FBXO42: variants seen among roughly 807,000 people sequenced by gnomAD.
FBXO42 encodes the protein F-box only protein 42.
FBXO42 carries 12 observed loss-of-function variants against 71.7 expected under a neutral mutation model. The observed-to-expected ratio is 0.17, with a 90% confidence interval of 0.11 to 0.27. The LOEUF is 0.27. Ranked by LOEUF, FBXO42 falls within the 10% of genes least tolerant of loss-of-function variation. The pLI is 1.00. For missense variants in FBXO42, 707 were observed against 911.9 expected (o/e 0.78, Z 2.89); for synonymous variants, 325 against 327.5 (o/e 0.99, Z 0.08).
chr1:16,287,066 A>C (rs951538874), intron 4 of FBXO42, among the ~76,000 whole-genome samples: 3 of 152,192 alleles, frequency 2.0e-5, no homozygotes, highest in Admixed American at 6.5e-5. Context: ...AGTGAATATG[A>C]CAATGTCCTT....
intron 2 of FBXO42, among the ~76,000 whole-genome samples, chr1:16,307,862 C>A (rs2082268391): frequency 1.3e-5 from 2 of 152,082 alleles, no homozygotes; most frequent in East Asian, 3.8e-4. Context: ...CAGTTCTTCC[C>A]AACTTGATCA....
chr1:16,347,902 T>C (rs911266981), intron 1 of FBXO42, among the ~76,000 whole-genome samples: 4 of 147,862 alleles, frequency 2.7e-5, no homozygotes, highest in Admixed American at 1.4e-4. Flanking sequence ...GGCAGGAGAA[T>C]GGCGTGAACC....
intron 4 of FBXO42, among the ~76,000 whole-genome samples, chr1:16,265,260 T>C (rs1360385613): frequency 2.6e-5 from 4 of 152,032 alleles, no homozygotes; most frequent in Non-Finnish European, 5.9e-5. Flanking sequence ...AGTGGCTAAT[T>C]TTGTATTTTT....
At chr1:16,260,874 C>CT in intron 4 of FBXO42, among the ~76,000 whole-genome samples, 1 of 151,704 alleles carries the variant, frequency 6.6e-6, no homozygotes, top group Non-Finnish European at 1.5e-5. Context: ...TAATTTTTTT[C>CT]TTTTTTTGGG....
chr1:16,297,706 CA>C (rs56659512), intron 3 of FBXO42, among the ~76,000 whole-genome samples: 63 of 141,508 alleles, frequency 4.5e-4, no homozygotes, highest in Admixed American at 5.0e-4. Context: ...ACTAAACATA[CA>C]AAAAAAAAAA....
chr1:16,308,494 CT>C (rs71003268), intron 2 of FBXO42, among the ~76,000 whole-genome samples: 1,656 of 126,706 alleles, frequency 0.013, 10 homozygotes, highest in Middle Eastern at 0.062. Flanking sequence ...ACCCATCTCT[CT>C]TTTTTTTTTT....
At position 16,250,698 on chromosome 1, in the gene FBXO42, G is replaced by A; in HGVS notation, c.2126C>T (p.Ala709Val). The change falls in exon 10 of 10, where the codon GCC (alanine) becomes GTC (valine). Residue 709 changes from alanine (A) to valine (V), a missense_variant. Around this residue, in one of 5 missense-constraint regions of FBXO42, gnomAD observed 18 missense variants for 22.3 expected, o/e 0.81. Transcript: ENST00000375592. This position sits in a 1 kb window ranked among gnomAD's most constrained non-coding sequence, Gnocchi z 4.7. ...QNVKYYPKTN[A>V]LYFVRAKR ...TCTCTTTGCTCGTACAAAGTACAAGGCGTTTGTTTTTGGATAGTACTTCAC... is the reference window on the plus strand; with the variant it reads ...TCTCTTTGCTCGTACAAAGTACAAGACGTTTGTTTTTGGATAGTACTTCAC... 6.2e-7 allele frequency: 1 copy of A among 1,614,042 alleles called. No individual in the cohort carries two copies. The highest frequency in any genetic ancestry group is 1.1e-5 in the South Asian group (1 of 91,074).
chr1:16,342,214 T>G (rs1411007222), intron 1 of FBXO42, among the ~76,000 whole-genome samples: 1 of 150,692 alleles, frequency 6.6e-6, no homozygotes, highest in African/African-American at 2.4e-5. Flanking sequence ...TTGACCAACA[T>G]GGAGAAACCC....
At chr1:16,292,383 T>C (rs1459838658) in intron 4 of FBXO42, 2 of 152,218 alleles carry the variant, frequency 1.3e-5, no homozygotes, top group Non-Finnish European at 2.9e-5. Flanking sequence ...CTTATATCTG[T>C]GGGCTCAAGC....
intron 4 of FBXO42, among the ~76,000 whole-genome samples, chr1:16,263,807 CTTT>C (rs1193282987): frequency 1.6e-5 from 2 of 126,636 alleles, no homozygotes; most frequent in Admixed American, 8.3e-5. Context: ...CATACATTAA[CTTT>C]TTTTTTTTTT....
intron 3 of FBXO42, among the ~76,000 whole-genome samples, chr1:16,304,095 G>T (rs1209868959): frequency 1.3e-5 from 2 of 149,262 alleles, no homozygotes; most frequent in Non-Finnish European, 3.0e-5. Context: ...GTGAGCCACA[G>T]CACCCAGCCA....
chr1:16,316,638 G>A (rs1362529752), intron 1 of FBXO42, among the ~76,000 whole-genome samples: 1 of 150,352 alleles, frequency 6.7e-6, no homozygotes, highest in Non-Finnish European at 1.5e-5. Context: ...AGGAGGCTGA[G>A]GCAGGAGAAC....
chr1:16,281,081 G>T (rs987012669), intron 4 of FBXO42, among the ~76,000 whole-genome samples: 1 of 152,176 alleles, frequency 6.6e-6, no homozygotes, highest in Admixed American at 6.6e-5. Flanking sequence ...TCCTGCCTCA[G>T]CCTCCCGAGT....
At position 16,252,383 on chromosome 1, in the gene FBXO42, A is replaced by T. The variant is rs2081602222; in HGVS notation, c.943T>A (p.Leu315Met). 4.3e-6 allele frequency: 7 copies of T among 1,614,138 alleles called. No individual in the cohort carries two copies. In the East Asian group the frequency reaches 1.6e-4, roughly 36 times the overall value. Reference sequence around the variant, plus strand: ...GCCCAAGGACCAGAATGCATGTGCAACAACCAAGCATCCTTGAATAGCTGT... The same window carrying T: ...GCCCAAGGACCAGAATGCATGTGCATCAACCAAGCATCCTTGAATAGCTGT... ...PNALFKDAWL[L>M]HMHSGPWAWQ... Residue 315 changes from leucine to methionine, a missense_variant, in exon 9 of 10, where the codon TTG (leucine) becomes ATG (methionine). By Grantham distance (15) the Leu-to-Met change is conservative. Around this residue, in one of 5 missense-constraint regions of FBXO42, gnomAD observed 482 missense variants for 587.1 expected, o/e 0.82. Coordinates refer to ENST00000375592, the MANE Select transcript of FBXO42 (RefSeq NM_018994.3). This position sits in a 1 kb window ranked among gnomAD's most constrained non-coding sequence, Gnocchi z 4.4.
chr1:16,248,519 T>C lies in FBXO42; in HGVS notation c.*2151A>G, dbSNP rs2100416877. The C allele has an allele frequency of 6.6e-6, 1 of 152,242 alleles. No individual in the cohort carries two copies. Among genetic ancestry groups the C allele is most frequent in the East Asian group, 1.9e-4 (1 of 5,184 alleles). The allele number at this position is 152,242 out of a possible 1,614,324, so 9.4% of individuals were successfully genotyped here. A position where few individuals can be genotyped will look rare whatever the true frequency, so the allele number is the denominator to read the frequency against. On this transcript the variant is annotated 3_prime_UTR_variant, in exon 10 of 10. Transcript: ENST00000375592. ...CAGGACTAAGGGAAAGACTGTAAGGTTGAGATTCTGTACTTTCAGGTTTCT... is the reference window on the plus strand; with the variant it reads ...CAGGACTAAGGGAAAGACTGTAAGGCTGAGATTCTGTACTTTCAGGTTTCT...
At chr1:16,313,484 G>A (rs1423956264) in intron 2 of FBXO42, among the ~76,000 whole-genome samples, 1 of 152,122 alleles carries the variant, frequency 6.6e-6, no homozygotes, top group African/African-American at 2.4e-5. Flanking sequence ...TATTTGAGAA[G>A]TGAAACCATG....
At chr1:16,289,143 C>G (rs2082052846) in intron 4 of FBXO42, among the ~76,000 whole-genome samples, 1 of 150,802 alleles carries the variant, frequency 6.6e-6, no homozygotes, top group African/African-American at 2.4e-5. Context: ...TGCCTGTAAT[C>G]CAGCACTTTG....
At chr1:16,341,609 TAA>T (rs34904915) in intron 1 of FBXO42, among the ~76,000 whole-genome samples, 8,589 of 112,996 alleles carry the variant, frequency 0.076, 635 homozygotes, top group African/African-American at 0.2. Flanking sequence ...CTGCGTCTTT[TAA>T]AAAAAAAAAA....
intron 1 of FBXO42, among the ~76,000 whole-genome samples, chr1:16,331,490 C>T (rs2082500272): frequency 6.6e-6 from 1 of 151,744 alleles, no homozygotes; most frequent in Non-Finnish European, 1.5e-5. Flanking sequence ...TGCGGTGGCT[C>T]ATGCCTGTAA....
Sources: allele counts gnomAD v4.1 joint callset (sites outside exome capture counted in the v4.1 genomes callset), GRCh38; gene constraint gnomAD v4.1.1; regional missense constraint gnomAD v4.1.1; non-coding constraint Gnocchi (gnomAD v3.1); transcripts MANE v1.5; gene names NCBI Gene and HGNC (gene_info 2026-07-23, HGNC 2026-07-21).